The following CASD1 variants were observed in gnomAD, a reference collection of about 807,000 sequenced individuals.
The protein encoded by CASD1 is N-acetylneuraminate (7)9-O-acetyltransferase.
Under a neutral mutation model 100.0 loss-of-function variants are expected in CASD1, and 41 were observed. That is an observed-to-expected ratio of 0.41 (90% CI 0.32 to 0.53). The LOEUF (loss-of-function observed/expected upper bound fraction) is 0.53, where lower values mean the gene tolerates loss of function less well. CASD1 is among the 20% of genes least tolerant of loss of function. The pLI is 0.25. For synonymous variants in CASD1, 321 were observed against 315.6 expected, an observed-to-expected ratio of 1.02 and a Z score of -0.18; for missense variants, 774 against 948.7, an observed-to-expected ratio of 0.82 and a Z score of 2.42.
the CASD1 span, among the ~76,000 whole-genome samples, chr7:94,569,963 G>A: frequency 2.2e-4 from 34 of 151,832 alleles, 2 homozygotes; most frequent in African/African-American, 5.1e-4. Context: ...ACAGGTGCCC[G>A]CCACCATGCC....
At chr7:94,555,457 C>G in intron 17 of CASD1, 35 bp from the exon 18 acceptor site, 3 of 1,592,182 alleles carry the variant, frequency 1.9e-6, no homozygotes, top group Non-Finnish European at 2.6e-6. Flanking sequence ...CATGGACCCT[C>G]TATAAATATC....
downstream of CASD1, among the ~76,000 whole-genome samples, chr7:94,559,083 A>T (rs529686024): frequency 1.9e-4 from 29 of 152,260 alleles, no homozygotes; most frequent in African/African-American, 6.7e-4. Context: ...TACAGGCGTG[A>T]GCCACTGTGC....
chr7:94,529,929 T>C (rs1430953124), intron 5 of CASD1, among the ~76,000 whole-genome samples: 2 of 152,144 alleles, frequency 1.3e-5, no homozygotes, highest in Admixed American at 6.6e-5. Context: ...TAGAAGCCTA[T>C]AGGCATAAAA....
chr7:94,590,748 G>C, the CASD1 span: 2 of 152,142 alleles, frequency 1.3e-5, no homozygotes, highest in African/African-American at 4.8e-5. Context: ...AATCCTGTCA[G>C]CTTTGTTTTC....
chr7:94,572,720 C>T, the CASD1 span, among the ~76,000 whole-genome samples: 2 of 152,112 alleles, frequency 1.3e-5, no homozygotes, highest in African/African-American at 4.8e-5. Context: ...TGTGCAGAAG[C>T]TCTTTAAGTT....
intron 3 of CASD1, among the ~76,000 whole-genome samples, chr7:94,520,980 T>G (rs2116220828): frequency 6.6e-6 from 1 of 152,182 alleles, no homozygotes; most frequent in Non-Finnish European, 1.5e-5. Context: ...TAATCCTAGC[T>G]ACTCGGGAGG....
At chr7:94,551,714 G>A in intron 15 of CASD1, 1 of 192,098 alleles carries the variant, frequency 5.2e-6, no homozygotes, top group Non-Finnish European at 1.0e-5. Flanking sequence ...GAATAGTTAG[G>A]TAAGCAATAA....
At chr7:94,525,860 TTGTC>T (rs1252178973) in intron 3 of CASD1, among the ~76,000 whole-genome samples, 35 of 152,320 alleles carry the variant, frequency 2.3e-4, no homozygotes, top group Admixed American at 2.0e-3. Context: ...TAAATACTAT[TTGTC>T]TGTTTGAATT....
chr7:94,624,347 C>A, the CASD1 span: 1 of 396,436 alleles, frequency 2.5e-6, no homozygotes, highest in South Asian at 1.3e-4. Context: ...TTACATGTGT[C>A]AAAAAATAAG....
chr7:94,544,576 TC>T (rs1795583643), intron 11 of CASD1, 46 bp downstream of exon 11: 1 of 1,578,722 alleles, frequency 6.3e-7, no homozygotes, highest in African/African-American at 1.4e-5. Context: ...GAACATACTT[TC>T]TTGAGAAAGC....
chr7:94,539,989 A>G (rs1414120072), intron 10 of CASD1, among the ~76,000 whole-genome samples: 2 of 152,056 alleles, frequency 1.3e-5, no homozygotes, highest in African/African-American at 4.8e-5. Flanking sequence ...ATCACCTAGT[A>G]CCTTTTGTAC....
At chr7:94,548,239 A>G (rs1349746636) in intron 13 of CASD1, among the ~76,000 whole-genome samples, 3 of 151,860 alleles carry the variant, frequency 2.0e-5, no homozygotes, top group Non-Finnish European at 4.4e-5. Context: ...GACAAGAACA[A>G]AAAGCCCACT....
Position 94,547,164 on chromosome 7 carries a change from G to A in CASD1, c.1702G>A (p.Ala568Thr), listed in dbSNP as rs72615132. 1.6e-3 allele frequency: 2,475 copies of A among 1,578,232 alleles called. 51 individuals are homozygous for A. The East Asian group carries it at 0.047, about 30-fold the overall frequency. The change falls in exon 13 of 18, where the codon GCA (alanine) becomes ACA (threonine). Residue 568 changes from alanine (A) to threonine (T), a missense_variant. Coordinates refer to ENST00000297273, the MANE Select transcript of CASD1 (RefSeq NM_022900.5). ...TTTGCTGTTATTCATATGTTTTTTG[G>A]CATATTCTCAGGTTTGTACAATCTT... ...GFLLLFICFL[A>T]YSQGAFEKIF...
the CASD1 span, among the ~76,000 whole-genome samples, chr7:94,631,199 T>A: frequency 1.3e-5 from 2 of 151,944 alleles, no homozygotes; most frequent in African/African-American, 4.8e-5. Flanking sequence ...AGTACCCAAC[T>A]TCTACTCAAG....
At chr7:94,618,922 A>C in the CASD1 span, 3 of 1,613,900 alleles carry the variant, frequency 1.9e-6, no homozygotes, top group Non-Finnish European at 8.5e-7. Flanking sequence ...TCATATTCTT[A>C]ATGAAGAATT....
the CASD1 span, chr7:94,629,925 GA>G: frequency 1.3e-6 from 2 of 1,511,670 alleles, no homozygotes; most frequent in African/African-American, 1.4e-5. Flanking sequence ...TGTTTATAAA[GA>G]GGGGTCTCAC....
chr7:94,539,911 G>A (rs963583755), intron 10 of CASD1, among the ~76,000 whole-genome samples: 9 of 152,240 alleles, frequency 5.9e-5, no homozygotes, highest in African/African-American at 1.7e-4. Flanking sequence ...AGACTATGTA[G>A]GGTGTGCCAT....
chr7:94,531,498 T>C (rs1794849401), intron 5 of CASD1, among the ~76,000 whole-genome samples: 2 of 152,074 alleles, frequency 1.3e-5, no homozygotes, highest in Non-Finnish European at 2.9e-5. Flanking sequence ...GTATATGGAA[T>C]GTAAGGTTTG....
At chr7:94,545,509 C>T (rs1249707344) in intron 11 of CASD1, 36 bp from the exon 12 acceptor site, 2 of 1,547,282 alleles carry the variant, frequency 1.3e-6, no homozygotes, top group Non-Finnish European at 1.8e-6. Context: ...AAAACAATTA[C>T]TTAGAATGAA....
Sources: allele counts gnomAD v4.1 joint callset (sites outside exome capture counted in the v4.1 genomes callset), GRCh38; gene constraint gnomAD v4.1.1; transcripts MANE v1.5; gene names NCBI Gene and HGNC (gene_info 2026-07-23, HGNC 2026-07-21).